GABBR2: variants seen among roughly 807,000 people sequenced by gnomAD.
GABBR2 encodes the protein G-protein coupled receptor 51.
Under a neutral mutation model 105.6 loss-of-function variants are expected in GABBR2, and 23 were observed. The ratio of observed to expected loss-of-function variants is 0.22; its 90% confidence interval spans 0.16 to 0.31. The LOEUF (loss-of-function observed/expected upper bound fraction) is 0.31. Among genes scored for constraint, GABBR2 ranks in the 10% least tolerant of loss-of-function variants. The pLI is 1.00. For synonymous variants in GABBR2, 478 were observed against 499.7 expected (o/e 0.96, Z 0.58); for missense variants, 734 against 1,245.5 (o/e 0.59, Z 6.18).
intron 13 of GABBR2, among the ~76,000 whole-genome samples, chr9:98,327,590 C>T (rs1280733528): frequency 1.3e-5 from 2 of 151,902 alleles, no homozygotes; most frequent in South Asian, 2.1e-4. Context: ...AATATAAGGC[C>T]GGGCGCAGTG....
chr9:98,292,925 G>T (rs1482265841), intron 18 of GABBR2, among the ~76,000 whole-genome samples: 2 of 152,292 alleles, frequency 1.3e-5, no homozygotes, highest in East Asian at 3.9e-4. Context: ...CAACTGCTAG[G>T]CAAACTGCTG....
chr9:98,299,167 A>G, intron 17 of GABBR2, 57 bp downstream of exon 17: 1 of 1,432,318 alleles, frequency 7.0e-7, no homozygotes, highest in Non-Finnish European at 9.8e-7. Context: ...TGGAAGATGA[A>G]CAGCTGGTGT....
At chr9:98,449,231 G>A (rs1468494541) in intron 7 of GABBR2, among the ~76,000 whole-genome samples, 1 of 152,026 alleles carries the variant, frequency 6.6e-6, no homozygotes, top group Non-Finnish European at 1.5e-5. Context: ...ACTCCCCTAA[G>A]CGAAACCGTC....
At chr9:98,605,217 G>T (rs1027237371) in intron 1 of GABBR2, among the ~76,000 whole-genome samples, 1 of 152,210 alleles carries the variant, frequency 6.6e-6, no homozygotes. Flanking sequence ...CCCAGGTCAG[G>T]TTTCCAACTG....
intron 3 of GABBR2, among the ~76,000 whole-genome samples, chr9:98,497,427 T>TAA (rs112080461): frequency 1.1e-3 from 162 of 150,050 alleles, no homozygotes; most frequent in African/African-American, 3.4e-3. Context: ...TATTTTGAAT[T>TAA]AAAAAAAAAA....
rs545243343 is a variant in GABBR2, at chr9:98,539,307, C to T, written c.630+2566G>A. On this transcript the variant is annotated intron_variant, in intron 3 of 18. Coordinates refer to ENST00000259455, the MANE Select transcript of GABBR2 (RefSeq NM_005458.8). ...GGCACACAACCAATGTCAGGGCTCA[C>T]AATTTACCCCCTTTAGAACCAGTCT... is the stretch of plus-strand genomic sequence containing the variant. Among the ~76,000 whole-genome samples the T allele has an allele frequency of 2.0e-5, 3 of 152,318 alleles. No individual in the cohort carries two copies. In the South Asian group the frequency reaches 6.2e-4, roughly 32 times the overall value.
At chr9:98,350,821 A>G (rs1403542932) in intron 13 of GABBR2, among the ~76,000 whole-genome samples, 1 of 152,202 alleles carries the variant, frequency 6.6e-6, no homozygotes, top group Non-Finnish European at 1.5e-5. Flanking sequence ...TATCTGTCCA[A>G]TGCTAAAAAG....
At chr9:98,340,453 T>A (rs1231471847) in intron 13 of GABBR2, among the ~76,000 whole-genome samples, 2 of 150,792 alleles carry the variant, frequency 1.3e-5, no homozygotes, top group African/African-American at 4.9e-5. Flanking sequence ...TGAGACGGGG[T>A]CTCGTCATGT....
rs571173714 is a variant in GABBR2 at position 98,607,724 on chromosome 9, C to G, written c.322-29652G>C. On this transcript the variant is annotated intron_variant, in intron 1 of 18. Transcript: ENST00000259455. ...CACATGCAGGACTTGAAAGAGGTTA[C>G]TAATAATGTCCACTATGAGAACTAC... is the stretch of plus-strand genomic sequence containing the variant. 1.2e-5 allele frequency: 9 copies of G among 769,084 alleles called. 1 individual carries two copies. The highest frequency in any genetic ancestry group is 3.4e-5 in the African/African-American group (2 of 58,608). The allele number at this position is 769,084 out of a possible 1,614,324, so 47.6% of individuals were successfully genotyped here. A position where few individuals can be genotyped will look rare whatever the true frequency, so the allele number is the denominator to read the frequency against.
chr9:98,640,802 A>G (rs1829950029), intron 1 of GABBR2, among the ~76,000 whole-genome samples: 1 of 152,106 alleles, frequency 6.6e-6, no homozygotes, highest in African/African-American at 2.4e-5. Flanking sequence ...CACTGCGGAG[A>G]CTCAGAGATT....
intron 13 of GABBR2, among the ~76,000 whole-genome samples, chr9:98,356,054 C>T (rs1177443390): frequency 1.3e-5 from 2 of 152,124 alleles, no homozygotes; most frequent in African/African-American, 4.8e-5. Flanking sequence ...AAATTTTACT[C>T]AAAATGGGTC....
At chr9:98,524,290 C>T (rs1827919019) in intron 3 of GABBR2, among the ~76,000 whole-genome samples, 1 of 152,202 alleles carries the variant, frequency 6.6e-6, no homozygotes, top group Non-Finnish European at 1.5e-5. Context: ...AGCTTTCCAA[C>T]TCTTGTCGTA....
In GABBR2 at chr9:98,454,935, G is replaced by A. The variant is rs1258864559; in HGVS notation, c.1000-718C>T. Among the ~76,000 whole-genome samples, 1 of 152,172 alleles carries A rather than the reference G, an allele frequency of 6.6e-6. No homozygotes were observed. Among genetic ancestry groups the A allele is most frequent in the African/African-American group, 2.4e-5 (1 of 41,432 alleles). On this transcript the variant is annotated intron_variant, in intron 6 of 18. Transcript: ENST00000259455. This position sits in a 1 kb window ranked among gnomAD's most constrained non-coding sequence, Gnocchi z 4.6. ...GAAGTGGCTCCAGCTTATGGGTTGA[G>A]AATTCAGGGCACAGTCTGGAAGCTG...
intron 1 of GABBR2, among the ~76,000 whole-genome samples, chr9:98,585,611 T>G (rs1233359982): frequency 6.6e-6 from 1 of 150,978 alleles, no homozygotes; most frequent in East Asian, 1.9e-4. Flanking sequence ...CTGCACGTTG[T>G]GCACATGTAC....
intron 13 of GABBR2, among the ~76,000 whole-genome samples, chr9:98,311,974 AAAC>A (rs1461192244): frequency 6.6e-6 from 1 of 152,254 alleles, no homozygotes; most frequent in African/African-American, 2.4e-5. Context: ...CCAGGGAATG[AAAC>A]AACATCTACT....
intron 1 of GABBR2, among the ~76,000 whole-genome samples, chr9:98,638,107 T>A (rs1237709836): frequency 6.6e-6 from 1 of 152,038 alleles, no homozygotes; most frequent in African/African-American, 2.4e-5. Context: ...GTCTCCAAAA[T>A]CCTTTATGAA....
chr9:98,681,223 A>C (rs1247359717), intron 1 of GABBR2, among the ~76,000 whole-genome samples: 1 of 144,346 alleles, frequency 6.9e-6, no homozygotes, highest in Non-Finnish European at 1.5e-5. Flanking sequence ...CTGGATTAAG[A>C]AAATGTGGCA....
intron 1 of GABBR2, among the ~76,000 whole-genome samples, chr9:98,678,798 A>T (rs2131867404): frequency 6.6e-6 from 1 of 152,306 alleles, no homozygotes; most frequent in East Asian, 1.9e-4. Flanking sequence ...TACCTACTGC[A>T]GGGAAGACTG....
chr9:98,453,217 G>A (rs1013762575), intron 7 of GABBR2, among the ~76,000 whole-genome samples: 1 of 152,160 alleles, frequency 6.6e-6, no homozygotes, highest in South Asian at 2.1e-4. Flanking sequence ...GTAGAGACAG[G>A]GTTTCACCAT....
Sources: gnomAD v4.1 joint callset for allele counts (sites outside exome capture counted in the v4.1 genomes callset) on GRCh38, gnomAD v4.1.1 for gene constraint, Gnocchi (gnomAD v3.1) non-coding constraint, MANE v1.5 for transcripts, NCBI Gene and HGNC (gene_info 2026-07-23, HGNC 2026-07-21) for gene names.